The following DYSF variants were observed in gnomAD, a reference collection of about 807,000 sequenced individuals.
The protein encoded by DYSF is dysferlin.
DYSF carries 212 observed loss-of-function variants against 274.9 expected under a neutral mutation model. That is an observed-to-expected ratio of 0.77 (90% CI 0.69 to 0.86). The LOEUF is 0.86. Ranked by LOEUF, DYSF falls within the 40% of genes least tolerant of loss-of-function variation. DYSF has a pLI of 0.00. For synonymous variants in DYSF, 1,091 were observed against 1,078.7 expected, an observed-to-expected ratio of 1.01 and a Z score of -0.22; for missense variants, 2,666 against 2,783.2, an observed-to-expected ratio of 0.96 and a Z score of 0.95.
chr2:71,530,217 T>C (rs2088518148), intron 14 of DYSF, among the ~76,000 whole-genome samples: 1 of 152,226 alleles, frequency 6.6e-6, no homozygotes, highest in Non-Finnish European at 1.5e-5. Context: ...CTGTACGTTT[T>C]TGTGGGACAC....
intron 40 of DYSF, among the ~76,000 whole-genome samples, chr2:71,614,277 C>G (rs2093834670): frequency 6.6e-6 from 1 of 152,204 alleles, no homozygotes; most frequent in South Asian, 2.1e-4. Flanking sequence ...ATACCCCTGG[C>G]ACCCTGGGGC....
At position 71,596,399 on chromosome 2, in the gene DYSF, C is replaced by T. The variant is rs185042316; in HGVS notation, c.3575-2165C>T. On this transcript the variant is annotated intron_variant, in intron 32 of 55. Coordinates refer to ENST00000410020, the MANE Select transcript of DYSF (RefSeq NM_001130987.2). ...TATAAAAATAAAGCGTAGGGAAGCA[C>T]GGGGCGGGGCGGGAACAAAAGGGGC... Among the ~76,000 whole-genome samples, 46 of 152,244 alleles carry T rather than the reference C, an allele frequency of 3.0e-4. No individual in the cohort carries two copies. In the East Asian group the frequency reaches 4.6e-3, roughly 15 times the overall value.
In DYSF at chr2:71,520,900, C is replaced by T. The variant is rs115279465; in HGVS notation, c.1145C>T (p.Ala382Val). The T allele has an allele frequency of 7.1e-4, 1,144 of 1,613,988 alleles. 6 individuals are homozygous for T. The African/African-American group carries it at 0.012, about 17-fold the overall frequency. Residue 382 changes from alanine to valine, a missense_variant, in exon 12 of 56, where the codon GCG becomes GTG. By Grantham distance (64) the Ala-to-Val change is moderately conservative. Around this residue, in one of 3 missense-constraint regions of DYSF, gnomAD observed 794 missense variants for 777.1 expected, o/e 1.02. Coordinates refer to ENST00000410020, the MANE Select transcript of DYSF (RefSeq NM_001130987.2). Reference protein sequence around the residue: ...SLCVLGPGDEAPLERKDPSED... With the variant: ...SLCVLGPGDEVPLERKDPSED... ...TGTGTGCTGGGGCCTGGGGACGAAGCGCCTGTGAGTACATTTCCCTGGGTC... is the reference window on the plus strand; with the variant it reads ...TGTGTGCTGGGGCCTGGGGACGAAGTGCCTGTGAGTACATTTCCCTGGGTC...
intron 42 of DYSF, among the ~76,000 whole-genome samples, chr2:71,653,525 C>G (rs1360728953): frequency 1.3e-5 from 2 of 151,864 alleles, no homozygotes; most frequent in East Asian, 3.9e-4. Flanking sequence ...ATGGATGAAG[C>G]TGGAAACCAT....
intron 17 of DYSF, 89 bp from the exon 18 acceptor site, chr2:71,550,952 A>G: frequency 9.0e-7 from 1 of 1,113,002 alleles, no homozygotes. Context: ...ACTGAGGGCC[A>G]GGGGTGGGCT....
chr2:71,620,819 G>C (rs2094079012), intron 41 of DYSF, among the ~76,000 whole-genome samples: 1 of 152,092 alleles, frequency 6.6e-6, no homozygotes, highest in Non-Finnish European at 1.5e-5. Flanking sequence ...ACACCCCTAG[G>C]TTACTTCCTG....
intron 30 of DYSF, among the ~76,000 whole-genome samples, chr2:71,583,043 C>CAAAAAAA (rs143738269): frequency 6.0e-5 from 3 of 49,932 alleles, no homozygotes; most frequent in African/African-American, 8.2e-5. Context: ...GACTCCATCT[C>CAAAAAAA]AAAAAAAAAA....
Position 71,480,885 on chromosome 2 carries a change from G to C in DYSF, c.94G>C (p.Val32Leu), listed in dbSNP as rs752653599. The stretch of plus-strand genomic sequence containing the variant: ...TCTCCCTTTTGTGTCTCTTGTAGGG[G>C]TGAAGAAGAGAACCAAAGTCATCAA... ...DPVASLTFRG[V>L]KKRTKVIKNS... The change falls in exon 2 of 56, where the codon GTG becomes CTG. Residue 32 changes from valine (V) to leucine (L), a missense_variant and splice_region_variant. Around this residue, in one of 3 missense-constraint regions of DYSF, gnomAD observed 794 missense variants for 777.1 expected, o/e 1.02. Coordinates refer to ENST00000410020, the MANE Select transcript of DYSF (RefSeq NM_001130987.2). The C allele has an allele frequency of 1.2e-6, 2 of 1,613,918 alleles. No homozygotes were observed. Among genetic ancestry groups the C allele is most frequent in the Non-Finnish European group, 1.7e-6 (2 of 1,179,756 alleles).
chr2:71,639,099 C>T (rs1473803420), intron 41 of DYSF, among the ~76,000 whole-genome samples: 1 of 152,170 alleles, frequency 6.6e-6, no homozygotes, highest in East Asian at 1.9e-4. Context: ...AGCATCTTTC[C>T]ATGTGCTATT....
chr2:71,541,362 A>G (rs80058762), intron 17 of DYSF, among the ~76,000 whole-genome samples: 5,406 of 152,244 alleles, frequency 0.036, 143 homozygotes, highest in Middle Eastern at 0.068. Flanking sequence ...GTCAATTTTG[A>G]TAATTTATAT....
rs75673505 is a variant in DYSF at position 71,574,966 on chromosome 2, G to A, written c.3402+595G>A. On this transcript the variant is annotated intron_variant, in intron 30 of 55. Transcript: ENST00000410020. ...CAGGTGTCTCGGGGACAGTCTGAGC[G>A]AGCACTCGGTACTGGCACACAGCCA... 7.2e-3 allele frequency among the ~76,000 whole-genome samples: 1,093 copies of A among 152,312 alleles called. 14 individuals are homozygous for A. Among genetic ancestry groups the A allele is most frequent in the South Asian group, 0.062 (298 of 4,824 alleles).
At chr2:71,670,680 G>A (rs779895715) in intron 51 of DYSF, among the ~76,000 whole-genome samples, 32 of 152,284 alleles carry the variant, frequency 2.1e-4, no homozygotes, top group Middle Eastern at 3.4e-3. Flanking sequence ...CATCTGGGGC[G>A]TCAACTTTTT....
At chr2:71,648,516 T>C (rs947948092) in intron 42 of DYSF, among the ~76,000 whole-genome samples, 1 of 148,044 alleles carries the variant, frequency 6.8e-6, no homozygotes, top group Non-Finnish European at 1.5e-5. Context: ...ATAATTGGAG[T>C]CTCCAAGGAA....
In DYSF at chr2:71,612,781, G is replaced by C. The variant is rs748030995; in HGVS notation, c.4362G>C (p.Glu1454Asp). The C allele has an allele frequency of 6.2e-7, 1 of 1,613,918 alleles. No homozygotes were observed. Among genetic ancestry groups the C allele is most frequent in the Non-Finnish European group, 8.5e-7 (1 of 1,179,826 alleles). The change falls in exon 39 of 56, where the codon GAG (glutamate) becomes GAC (aspartate). Residue 1454 changes from glutamate (E) to aspartate (D), a missense_variant. Physicochemically the swap from Glu to Asp is conservative, Grantham distance 45. Transcript: ENST00000410020. ...TCCTGTGTGACCCCTACTCGGCGGA[G>C]AGTCCATCCCCACAGGGTGGCCCAG... ...ESFLCDPYSA[E>D]SPSPQGGPDD...
At chr2:71,668,967 G>C in intron 49 of DYSF, 125 bp downstream of exon 49, 2 of 1,322,806 alleles carry the variant, frequency 1.5e-6, no homozygotes, top group East Asian at 2.5e-5. Context: ...ATGGAATACA[G>C]TTCTCGTTTG....
rs1406470962 is a variant in DYSF, at chr2:71,556,055, C to A, written c.2200C>A (p.Leu734Ile). Residue 734 changes from leucine (L) to isoleucine (I), a missense_variant, in exon 22 of 56, where the codon CTC becomes ATC. Physicochemically the swap from Leu to Ile is conservative, Grantham distance 5. Coordinates refer to ENST00000410020, the MANE Select transcript of DYSF (RefSeq NM_001130987.2). ...DSLVAQLTDE[L>I]IAGCSQPLGD... ...GCTGGTGGCTCAGCTGACGGATGAG[C>A]TCATCGCAGGCTGCAGGTAGGGGGG... The A allele has an allele frequency of 6.4e-7, 1 of 1,573,754 alleles. No individual in the cohort carries two copies. Among genetic ancestry groups the A allele is most frequent in the African/African-American group, 1.3e-5 (1 of 74,652 alleles).
intron 30 of DYSF, among the ~76,000 whole-genome samples, chr2:71,575,459 G>A (rs1340975942): frequency 6.6e-6 from 1 of 152,146 alleles, no homozygotes; most frequent in Non-Finnish European, 1.5e-5. Flanking sequence ...AGAGCTCTCG[G>A]CTCTCTGGGC....
At chr2:71,517,195 T>G (rs552393851) in intron 10 of DYSF, among the ~76,000 whole-genome samples, 156 bp downstream of exon 10, 1 of 152,300 alleles carries the variant, frequency 6.6e-6, no homozygotes, top group Non-Finnish European at 1.5e-5. Flanking sequence ...GCACAGCATC[T>G]CCTTTCACCC....
At chr2:71,611,752 T>C in intron 38 of DYSF, 126 bp downstream of exon 38, 3 of 1,252,840 alleles carry the variant, frequency 2.4e-6, no homozygotes, top group Non-Finnish European at 3.4e-6. Flanking sequence ...CTCACTTTCC[T>C]GTGAACATGG....
Sources: allele counts gnomAD v4.1 joint callset (sites outside exome capture counted in the v4.1 genomes callset), GRCh38; gene constraint gnomAD v4.1.1; regional missense constraint gnomAD v4.1.1; transcripts MANE v1.5; gene names NCBI Gene and HGNC (gene_info 2026-07-23, HGNC 2026-07-21).